Variants in PTCH1 observed in about 807,000 individuals in gnomAD.
PTCH1 encodes protein patched homolog 1.
Under a neutral mutation model 144.6 loss-of-function variants are expected in PTCH1, and 14 were observed. The ratio of observed to expected loss-of-function variants is 0.10; its 90% CI spans 0.06 to 0.15. PTCH1 has a LOEUF of 0.15. Among genes scored for constraint, PTCH1 ranks in the 10% least tolerant of loss-of-function variants. PTCH1 has a pLI of 1.00. For missense variants in PTCH1, 1,623 were observed against 1,948.3 expected (o/e 0.83, Z 3.14); for synonymous variants, 833 against 793.6 (o/e 1.05, Z -0.83).
intron 2 of PTCH1, among the ~76,000 whole-genome samples, chr9:95,500,422 T>C (rs1843071709): frequency 6.6e-6 from 1 of 152,214 alleles, no homozygotes; most frequent in Non-Finnish European, 1.5e-5. Flanking sequence ...TAAATGTGCA[T>C]ACCCAGTAGT....
chr9:95,506,653 C>A, intron 1 of PTCH1, 54 bp from the exon 2 acceptor site: 1 of 1,490,258 alleles, frequency 6.7e-7, no homozygotes, highest in South Asian at 1.3e-5. Flanking sequence ...GGCCCGCGCG[C>A]CCACGCCCGC....
intron 15 of PTCH1, among the ~76,000 whole-genome samples, chr9:95,463,724 A>C (rs1422556003): frequency 6.6e-6 from 1 of 152,074 alleles, no homozygotes; most frequent in African/African-American, 2.4e-5. Flanking sequence ...GCCCCGTTAG[A>C]GTTAATCACT....
chr9:95,473,577 T>C (rs28733891), intron 12 of PTCH1, among the ~76,000 whole-genome samples: 17,734 of 149,756 alleles, frequency 0.12, 1,205 homozygotes, highest in African/African-American at 0.17. Flanking sequence ...CAGAGTCTTG[T>C]TCTGTCACCC....
intron 19 of PTCH1, 122 bp from the exon 20 acceptor site, chr9:95,453,742 T>C: frequency 4.4e-6 from 6 of 1,366,052 alleles, no homozygotes; most frequent in Middle Eastern, 1.8e-4. Context: ...GTTGCTAGAA[T>C]GTGTAATCAG....
chr9:95,480,144 C>T (rs2118399717), intron 6 of PTCH1, 54 bp from the exon 7 acceptor site: 2 of 1,611,392 alleles, frequency 1.2e-6, no homozygotes, highest in Middle Eastern at 1.7e-4. Flanking sequence ...AGGTCACATG[C>T]CTTGTTAAAA....
chr9:95,500,431 G>A (rs1287923956), intron 2 of PTCH1, among the ~76,000 whole-genome samples: 1 of 152,188 alleles, frequency 6.6e-6, no homozygotes, highest in Non-Finnish European at 1.5e-5. Context: ...ATACCCAGTA[G>A]TAGAAACTAA....
chr9:95,449,227 T>C lies in PTCH1; in HGVS notation c.3646A>G (p.Ser1216Gly). Residue 1216 changes from serine to glycine, a missense_variant, in exon 22 of 24, where the codon AGC (serine) becomes GGC (glycine). By Grantham distance (56) the Ser-to-Gly change is moderately conservative. Coordinates refer to ENST00000331920, the MANE Select transcript of PTCH1 (RefSeq NM_000264.5). This position sits in a 1 kb window ranked among gnomAD's most constrained non-coding sequence, Gnocchi z 5.3. ...TCCGAGTCGGAGGAATCAGACCCGC[T>C]GTGCGTGTGGCCGGGCGGCATGGCG... ...RFAMPPGHTHSGSDSSDSEYS... is the reference protein window; with the variant it reads ...RFAMPPGHTHGGSDSSDSEYS... 6.3e-7 allele frequency: 1 copy of C among 1,594,486 alleles called. No homozygotes were observed. Among genetic ancestry groups the C allele is most frequent in the Non-Finnish European group, 8.5e-7 (1 of 1,170,536 alleles).
chr9:95,476,063 T>C lies in PTCH1; in HGVS notation c.1699A>G (p.Ile567Val), dbSNP rs200504753. Residue 567 changes from isoleucine to valine, a missense_variant, in exon 12 of 24, where the codon ATT (isoleucine) becomes GTT (valine). Coordinates refer to ENST00000331920, the MANE Select transcript of PTCH1 (RefSeq NM_000264.5). This position sits in a 1 kb window ranked among gnomAD's most constrained non-coding sequence, Gnocchi z 4.6. ...TAFFMAALIPIPALRAFSLQA... is the reference protein window; with the variant it reads ...TAFFMAALIPVPALRAFSLQA... ...AGGGAGAACGCCCGCAGAGCGGGAA[T>C]TGGGATTAACGCGGCCATGAAGAAG... 3.7e-6 allele frequency: 6 copies of C among 1,614,090 alleles called. No homozygotes were observed. Among genetic ancestry groups the C allele is most frequent in the African/African-American group, 1.3e-5 (1 of 75,028 alleles).
Position 95,459,612 on chromosome 9 carries a change from T to C in PTCH1, c.2875A>G (p.Thr959Ala). 6.2e-7 allele frequency: 1 copy of C among 1,613,856 alleles called. No individual in the cohort carries two copies. The change falls in exon 17 of 24, where the codon ACA becomes GCA. Residue 959 changes from threonine (T) to alanine (A), a missense_variant. Thr to Ala is a moderately conservative substitution (Grantham distance 58, BLOSUM62 0). Coordinates refer to ENST00000331920, the MANE Select transcript of PTCH1 (RefSeq NM_000264.5). ...AAACGCTACTTACTTCTCAGCCTTGTTTCAGGCATGTAGTCGGCTTTGTCG... is the reference window on the plus strand; with the variant it reads ...AAACGCTACTTACTTCTCAGCCTTGCTTCAGGCATGTAGTCGGCTTTGTCG... ...VHDKADYMPETRLRIPAAEPI... is the reference protein window; with the variant it reads ...VHDKADYMPEARLRIPAAEPI...
chr9:95,490,519 T>TCA lies in PTCH1; in HGVS notation c.395-4646_395-4645insTG, dbSNP rs536111739. Among the ~76,000 whole-genome samples, 257 of 119,922 alleles carry TCA rather than the reference T, an allele frequency of 2.1e-3. 1 individual carries two copies. Among genetic ancestry groups the TCA allele is most frequent in the South Asian group, 0.01 (40 of 4,000 alleles). 78.7% of individuals were successfully genotyped at this position (119,922 alleles called of 152,430 possible). ...ACCCAGAAAAACAAAACCTTCTATG[T>TCA]GACACACACACACACACACACACAC... On this transcript the variant is annotated intron_variant, in intron 2 of 23. Transcript: ENST00000331920.
intron 19 of PTCH1, among the ~76,000 whole-genome samples, chr9:95,454,872 T>C (rs1008950757): frequency 1.3e-5 from 2 of 152,166 alleles, no homozygotes; most frequent in Admixed American, 1.3e-4. Flanking sequence ...AGTCCTAGAG[T>C]TTAGAGACTG....
intron 6 of PTCH1, 130 bp downstream of exon 6, chr9:95,480,260 T>G (rs1841423080): frequency 6.6e-7 from 1 of 1,522,742 alleles, no homozygotes; most frequent in Non-Finnish European, 9.0e-7. Context: ...TAAATAAACT[T>G]AGTTCCATAG....
intron 14 of PTCH1, among the ~76,000 whole-genome samples, chr9:95,468,078 T>C (rs185708107): frequency 2.5e-3 from 375 of 150,204 alleles, no homozygotes; most frequent in African/African-American, 9.0e-3. Context: ...TTTTTCCCCC[T>C]CTCTTTTGAG....
At chr9:95,457,594 T>C (rs1588538604) in intron 18 of PTCH1, among the ~76,000 whole-genome samples, 1 of 152,348 alleles carries the variant, frequency 6.6e-6, no homozygotes, top group Non-Finnish European at 1.5e-5. Context: ...TTTCTCCATA[T>C]ATCACTCTCC....
At chr9:95,506,939 C>T (rs1587695269) in intron 1 of PTCH1, 3 of 1,041,512 alleles carry the variant, frequency 2.9e-6, no homozygotes, top group Non-Finnish European at 3.5e-6. Flanking sequence ...ATATTCACCC[C>T]AGAGCTGAGA....
intron 6 of PTCH1, 54 bp from the exon 7 acceptor site, chr9:95,480,144 C>G (rs2118399717): frequency 1.2e-6 from 2 of 1,611,392 alleles, no homozygotes; most frequent in Non-Finnish European, 1.7e-6. Context: ...AGGTCACATG[C>G]CTTGTTAAAA....
chr9:95,495,716 A>C (rs1842744352), intron 2 of PTCH1, among the ~76,000 whole-genome samples: 1 of 152,200 alleles, frequency 6.6e-6, no homozygotes, highest in African/African-American at 2.4e-5. Context: ...ATGTGAAATA[A>C]GACAATGTGG....
chr9:95,516,154 C>G (rs1016125979), intron 1 of PTCH1, among the ~76,000 whole-genome samples: 1 of 151,370 alleles, frequency 6.6e-6, no homozygotes, highest in Non-Finnish European at 1.5e-5. Context: ...CGTGAGAATT[C>G]CCCCCGGAGC....
chr9:95,465,995 A>G (rs908423775), intron 15 of PTCH1, among the ~76,000 whole-genome samples: 2 of 152,184 alleles, frequency 1.3e-5, no homozygotes, highest in African/African-American at 4.8e-5. Flanking sequence ...CCAGCTGATG[A>G]ATATTTCCTA....
Sources: gnomAD v4.1 joint callset for allele counts (sites outside exome capture counted in the v4.1 genomes callset) on GRCh38, gnomAD v4.1.1 for gene constraint, Gnocchi (gnomAD v3.1) non-coding constraint, MANE v1.5 for transcripts, NCBI Gene and HGNC (gene_info 2026-07-23, HGNC 2026-07-21) for gene names.